The following ATF6 variants were observed in gnomAD, a reference collection of about 807,000 sequenced individuals.
The protein encoded by ATF6 is cyclic AMP-dependent transcription factor ATF-6 alpha.
In ATF6, 53 loss-of-function variants were observed where a neutral mutation model predicts 83.6. That is an observed-to-expected ratio of 0.63 (90% CI 0.51 to 0.80). ATF6 has a LOEUF of 0.80. ATF6 is among the 30% of genes least tolerant of loss of function. The pLI is 0.00. For synonymous variants in ATF6, 288 were observed against 285.8 expected, an observed-to-expected ratio of 1.01 and a Z score of -0.08; for missense variants, 744 against 797.9, an observed-to-expected ratio of 0.93 and a Z score of 0.81.
chr1:161,929,222 C>T (rs147704973), intron 15 of ATF6, among the ~76,000 whole-genome samples: 131 of 152,302 alleles, frequency 8.6e-4, no homozygotes, highest in African/African-American at 3.0e-3. Context: ...CTCTGGGTAA[C>T]TTAAGTAGAA....
chr1:161,793,965 G>T (rs978546203), intron 6 of ATF6, among the ~76,000 whole-genome samples: 3 of 152,134 alleles, frequency 2.0e-5, no homozygotes, highest in African/African-American at 7.2e-5. Flanking sequence ...GGAGTGCAGT[G>T]GTGTGATCTT....
chr1:161,784,583 C>T (rs777338422), intron 4 of ATF6, among the ~76,000 whole-genome samples: 13 of 152,034 alleles, frequency 8.6e-5, no homozygotes, highest in Non-Finnish European at 1.5e-5. Flanking sequence ...AACACTTCTG[C>T]TCTGTGTCCA....
At chr1:161,816,527 G>C (rs1685617925) in intron 7 of ATF6, among the ~76,000 whole-genome samples, 1 of 152,134 alleles carries the variant, frequency 6.6e-6, no homozygotes, top group African/African-American at 2.4e-5. Context: ...ACTGGACTTG[G>C]AGTCAACTGA....
At chr1:161,767,241 C>G (rs1684285842) in intron 1 of ATF6, among the ~76,000 whole-genome samples, 1 of 152,158 alleles carries the variant, frequency 6.6e-6, no homozygotes, top group Non-Finnish European at 1.5e-5. Flanking sequence ...TGAGCCTACA[C>G]CACTCATCAG....
chr1:161,801,100 A>C (rs1173237269), intron 6 of ATF6, among the ~76,000 whole-genome samples: 3 of 152,134 alleles, frequency 2.0e-5, no homozygotes, highest in Non-Finnish European at 4.4e-5. Flanking sequence ...GCACTCAAAA[A>C]GTTTTGGATT....
intron 15 of ATF6, among the ~76,000 whole-genome samples, chr1:161,958,062 T>A (rs1162032926): frequency 2.6e-5 from 4 of 152,214 alleles, no homozygotes; most frequent in African/African-American, 9.6e-5. Context: ...GGAGGAGGAC[T>A]TAGGGATTCT....
chr1:161,819,639 G>C lies in ATF6; in HGVS notation c.916G>C (p.Val306Leu). ...TMRNVGSDIA[V>L]LRRQQRMIKN... ...TCATTATAACTTTTTCTAGATTGCT[G>C]TGCTAAGGAGACAGCAACGTATGAT... The change falls in exon 8 of 16, where the codon GTG becomes CTG. Residue 306 changes from valine (V) to leucine (L), a missense_variant. Coordinates refer to ENST00000367942, the MANE Select transcript of ATF6 (RefSeq NM_007348.4). The C allele has an allele frequency of 6.3e-7, 1 of 1,592,358 alleles. No individual in the cohort carries two copies. The highest frequency in any genetic ancestry group is 8.5e-7 in the Non-Finnish European group (1 of 1,171,936).
intron 6 of ATF6, among the ~76,000 whole-genome samples, chr1:161,796,317 T>C (rs2101747712): frequency 6.6e-6 from 1 of 152,300 alleles, no homozygotes; most frequent in East Asian, 1.9e-4. Context: ...GTCCCAAAGT[T>C]CCCTGAACAG....
chr1:161,893,877 C>G (rs894938433), intron 14 of ATF6, among the ~76,000 whole-genome samples: 5 of 152,144 alleles, frequency 3.3e-5, no homozygotes, highest in African/African-American at 1.2e-4. Context: ...AACTGTCAAG[C>G]TTTATGACAG....
At chr1:161,774,092 TAAGA>T (rs1480406612) in intron 1 of ATF6, among the ~76,000 whole-genome samples, 1 of 152,232 alleles carries the variant, frequency 6.6e-6, no homozygotes, top group Non-Finnish European at 1.5e-5. Context: ...ATGTATTTCC[TAAGA>T]ATGAGGAAAT....
At position 161,875,841 on chromosome 1, in the gene ATF6, C is replaced by T. The variant is rs992844464; in HGVS notation, c.1719+12529C>T. On this transcript the variant is annotated intron_variant, in intron 14 of 15. Transcript: ENST00000367942. ...GCTTTATGTGTATTTCCCATTTTGTCGTACAGAATATTAAAAAGACTTCTA... is the reference window on the plus strand; with the variant it reads ...GCTTTATGTGTATTTCCCATTTTGTTGTACAGAATATTAAAAAGACTTCTA... Among the ~76,000 whole-genome samples, 10 of 151,854 alleles carry T rather than the reference C, an allele frequency of 6.6e-5. No homozygotes were observed. In the South Asian group the frequency reaches 8.3e-4, roughly 13 times the overall value.
intron 14 of ATF6, among the ~76,000 whole-genome samples, chr1:161,905,536 C>T (rs1269112802): frequency 6.6e-6 from 1 of 152,148 alleles, no homozygotes; most frequent in Non-Finnish European, 1.5e-5. Context: ...ACCAGTAGTC[C>T]TGAGTAAAGT....
At chr1:161,900,913 A>G (rs4625257) in intron 14 of ATF6, among the ~76,000 whole-genome samples, 21,877 of 152,114 alleles carry the variant, frequency 0.14, 2,155 homozygotes, top group East Asian at 0.33. Context: ...ATAGGATAGT[A>G]CATGTATATG....
chr1:161,929,906 C>G lies in ATF6; in HGVS notation c.1804+17526C>G, dbSNP rs567011242. Among the ~76,000 whole-genome samples, 88 of 152,338 alleles carry G rather than the reference C, an allele frequency of 5.8e-4. 1 individual carries two copies. The Middle Eastern group carries it at 0.01, about 18-fold the overall frequency. The stretch of plus-strand genomic sequence containing the variant: ...TGCAGGTACAGGCACTATCATCTCT[C>G]TCTGTAAAGGGTCAGTATGATGTTT... On this transcript the variant is annotated intron_variant, in intron 15 of 15. Transcript: ENST00000367942.
At chr1:161,949,433 A>G (rs2101917259) in intron 15 of ATF6, among the ~76,000 whole-genome samples, 1 of 152,248 alleles carries the variant, frequency 6.6e-6, no homozygotes, top group South Asian at 2.1e-4. Context: ...GGGGTGTCCA[A>G]CCTGTTTCTT....
intron 15 of ATF6, among the ~76,000 whole-genome samples, chr1:161,926,402 CTG>C (rs1350355025): frequency 6.6e-6 from 1 of 152,100 alleles, no homozygotes; most frequent in Non-Finnish European, 1.5e-5. Flanking sequence ...AAGCTGTTGA[CTG>C]GGGCTGAAGA....
At chr1:161,918,842 A>G (rs1010920381) in intron 15 of ATF6, among the ~76,000 whole-genome samples, 3 of 152,218 alleles carry the variant, frequency 2.0e-5, no homozygotes, top group Non-Finnish European at 4.4e-5. Context: ...TTCAGATTTT[A>G]TTGAGCAACT....
chr1:161,807,329 A>G (rs1348048583), intron 7 of ATF6, among the ~76,000 whole-genome samples: 1 of 152,254 alleles, frequency 6.6e-6, no homozygotes, highest in African/African-American at 2.4e-5. Flanking sequence ...CTTATCTGTA[A>G]CATCCAAGAA....
At chr1:161,944,724 T>C (rs1304105982) in intron 15 of ATF6, among the ~76,000 whole-genome samples, 1 of 152,170 alleles carries the variant, frequency 6.6e-6, no homozygotes, top group African/African-American at 2.4e-5. Flanking sequence ...CTCAGAGTTA[T>C]CCAATGGGCA....
Sources: gnomAD v4.1 joint callset for allele counts (sites outside exome capture counted in the v4.1 genomes callset) on GRCh38, gnomAD v4.1.1 for gene constraint, MANE v1.5 for transcripts, NCBI Gene and HGNC (gene_info 2026-07-23, HGNC 2026-07-21) for gene names.